SRSF10: variants seen among roughly 807,000 people sequenced by gnomAD.
SRSF10 encodes the protein serine/arginine-rich splicing factor 10.
Under a neutral mutation model 32.6 loss-of-function variants are expected in SRSF10, and 9 were observed. That is an observed-to-expected ratio of 0.28 (90% CI 0.17 to 0.48). SRSF10 has a LOEUF of 0.48. Ranked by LOEUF, SRSF10 falls within the 20% of genes least tolerant of loss-of-function variation. The probability of loss-of-function intolerance (pLI) is 0.99; values close to 1 mark genes in which losing one functional copy is unlikely to be tolerated. For missense variants in SRSF10, 201 were observed against 331.8 expected (o/e 0.61, Z 3.06); for synonymous variants, 105 against 112.4 (o/e 0.93, Z 0.42).
chr1:23,967,474 T>C lies in SRSF10; in HGVS notation c.*3668A>G, dbSNP rs1276975736. ...AGTTTCCACAAGTACAAAGTTGAAT[T>C]TCCTTTTATTTGTCCTAAAATGCTT... On this transcript the variant is annotated 3_prime_UTR_variant, in exon 6 of 6. Transcript: ENST00000492112. The C allele has an allele frequency of 7.2e-5, 35 of 488,394 alleles. No homozygotes were observed. Among genetic ancestry groups the C allele is most frequent in the Non-Finnish European group, 1.5e-5 (4 of 272,552 alleles). The allele number at this position is 488,394 out of a possible 1,614,324, so 30.3% of individuals were successfully genotyped here. A position where few individuals can be genotyped will look rare whatever the true frequency, so the allele number is the denominator to read the frequency against.
At chr1:23,979,992 C>G (rs1414343644) in intron 1 of SRSF10, among the ~76,000 whole-genome samples, 199 bp downstream of exon 1, 1 of 152,208 alleles carries the variant, frequency 6.6e-6, no homozygotes, top group Non-Finnish European at 1.5e-5. Flanking sequence ...CCACGCGGCC[C>G]GGCGAAGGCA....
At chr1:23,971,727 G>C in intron 4 of SRSF10, 101 bp from the exon 5 acceptor site, 1 of 1,506,530 alleles carries the variant, frequency 6.6e-7, no homozygotes, top group Non-Finnish European at 9.0e-7. Flanking sequence ...AAATGCTACA[G>C]TATTTTTTGT....
At chr1:23,973,625 T>C (rs1453673538) in intron 3 of SRSF10, among the ~76,000 whole-genome samples, 1 of 152,176 alleles carries the variant, frequency 6.6e-6, no homozygotes, top group African/African-American at 2.4e-5. Context: ...CCACATATTT[T>C]ACATTTTCAA....
chr1:23,966,981 A>G lies in SRSF10; in HGVS notation c.*4161T>C, dbSNP rs1267315339. 6.6e-6 allele frequency: 1 copy of G among 152,112 alleles called. No individual in the cohort carries two copies. The highest frequency in any genetic ancestry group is 1.5e-5 in the Non-Finnish European group (1 of 67,938). The allele number at this position is 152,112 out of a possible 1,614,324, so 9.4% of individuals were successfully genotyped here. A position where few individuals can be genotyped will look rare whatever the true frequency, so the allele number is the denominator to read the frequency against. On this transcript the variant is annotated 3_prime_UTR_variant, in exon 6 of 6. Transcript: ENST00000492112. Reference sequence around the variant, plus strand: ...ATTGTGCTCAGTAGACATTTACTGAATAAGGGAATTATCTATTTTTCTCAA... The same window carrying G: ...ATTGTGCTCAGTAGACATTTACTGAGTAAGGGAATTATCTATTTTTCTCAA...
rs1004457396 is a variant in SRSF10 at position 23,972,192 on chromosome 1, T to C, written c.275-180A>G. The stretch of plus-strand genomic sequence containing the variant: ...GGGAGGTTGAGGTGGGAGGATCACT[T>C]GAGCCCAGGAGTTTGAGACCAGCCT... On this transcript the variant is annotated intron_variant, in intron 3 of 5. Coordinates refer to ENST00000492112, the MANE Select transcript of SRSF10 (RefSeq NM_054016.4). Among the ~76,000 whole-genome samples, 29 of 152,252 alleles carry C rather than the reference T, an allele frequency of 1.9e-4. 1 individual carries two copies. The South Asian group carries it at 5.2e-3, about 27-fold the overall frequency.
At chr1:23,973,992 ATTTT>A (rs141826891) in intron 3 of SRSF10, among the ~76,000 whole-genome samples, 8 of 134,184 alleles carry the variant, frequency 6.0e-5, no homozygotes, top group Admixed American at 7.3e-5. Context: ...CTCAGCAGCT[ATTTT>A]TTTTTTTTTT....
intron 5 of SRSF10, 61 bp from the exon 6 acceptor site, chr1:23,971,500 T>C (rs1641750101): frequency 1.3e-6 from 2 of 1,588,166 alleles, no homozygotes; most frequent in African/African-American, 2.7e-5. Flanking sequence ...TAATCAAATT[T>C]GTTATTTTTA....
At chr1:23,978,865 G>C (rs1642236653) in intron 1 of SRSF10, 48 bp from the exon 2 acceptor site, 1 of 1,511,908 alleles carries the variant, frequency 6.6e-7, no homozygotes, top group Non-Finnish European at 9.0e-7. Context: ...AAGTCCTTAA[G>C]ATGTATAGGC....
chr1:23,973,252 T>C (rs1641881706), intron 3 of SRSF10, among the ~76,000 whole-genome samples: 1 of 152,248 alleles, frequency 6.6e-6, no homozygotes, highest in Non-Finnish European at 1.5e-5. Flanking sequence ...CACCATCTAG[T>C]TTATCAGCCA....
At chr1:23,974,646 T>C (rs1364539719) in intron 3 of SRSF10, among the ~76,000 whole-genome samples, 2 of 152,052 alleles carry the variant, frequency 1.3e-5, no homozygotes, top group African/African-American at 4.8e-5. Flanking sequence ...CTGGCCAACA[T>C]GGTGAAACTC....
chr1:23,965,874 G>C lies in SRSF10; in HGVS notation c.*5268C>G, dbSNP rs1033926248. On this transcript the variant is annotated 3_prime_UTR_variant, in exon 6 of 6. Transcript: ENST00000492112. ...TTAACTTCAAAAGGAAATGGAGAAG[G>C]GAGGTAGAGGGCAAAAAAGTCTATA... The C allele has an allele frequency of 3.3e-5, 5 of 151,828 alleles. No homozygotes were observed. The highest frequency in any genetic ancestry group is 1.2e-4 in the African/African-American group (5 of 41,386). 9.4% of individuals were successfully genotyped at this position (151,828 alleles called of 1,614,324 possible). A position where few individuals can be genotyped will look rare whatever the true frequency, so the allele number is the denominator to read the frequency against.
Position 23,971,011 on chromosome 1 carries a change from T to C in SRSF10, c.*131A>G, listed in dbSNP as rs1330578405. The C allele has an allele frequency of 4.1e-6, 6 of 1,478,380 alleles. No homozygotes were observed. The highest frequency in any genetic ancestry group is 2.3e-5 in the East Asian group (1 of 42,792). The allele number at this position is 1,478,380 out of a possible 1,614,324, so 91.6% of individuals were successfully genotyped here. A position where few individuals can be genotyped will look rare whatever the true frequency, so the allele number is the denominator to read the frequency against. On this transcript the variant is annotated 3_prime_UTR_variant, in exon 6 of 6. Transcript: ENST00000492112. ...CAGCATATCATTTTAATTATAACCA[T>C]TGCCTGGTACAGGGAAAACTAACAA... is the stretch of plus-strand genomic sequence containing the variant.
chr1:23,969,388 T>C lies in SRSF10; in HGVS notation c.*1754A>G, dbSNP rs1342516006. The C allele has an allele frequency of 3.0e-6, 3 of 985,638 alleles. No homozygotes were observed. The highest frequency in any genetic ancestry group is 1.7e-5 in the African/African-American group (1 of 57,244). The allele number at this position is 985,638 out of a possible 1,614,324, so 61.1% of individuals were successfully genotyped here. A position where few individuals can be genotyped will look rare whatever the true frequency, so the allele number is the denominator to read the frequency against. On this transcript the variant is annotated 3_prime_UTR_variant, in exon 6 of 6. Coordinates refer to ENST00000492112, the MANE Select transcript of SRSF10 (RefSeq NM_054016.4). ...AGAAACGTGCATATAAACGATTGCA[T>C]AGCAGAACATGAACATTAACTGCAA...
At chr1:23,973,627 C>T (rs1641904941) in intron 3 of SRSF10, among the ~76,000 whole-genome samples, 3 of 152,168 alleles carry the variant, frequency 2.0e-5, no homozygotes, top group Admixed American at 2.0e-4. Context: ...ACATATTTTA[C>T]ATTTTCAAAT....
intron 3 of SRSF10, among the ~76,000 whole-genome samples, chr1:23,973,567 C>T (rs796419569): frequency 2.0e-4 from 30 of 152,226 alleles, no homozygotes; most frequent in East Asian, 7.7e-4. Flanking sequence ...GCAATTCTCC[C>T]GCCTAGGCCT....
intron 3 of SRSF10, among the ~76,000 whole-genome samples, chr1:23,974,721 C>G (rs1035656800): frequency 6.6e-6 from 1 of 151,776 alleles, no homozygotes; most frequent in South Asian, 2.1e-4. Context: ...CCCAGCTACT[C>G]GGAAGGTTGA....
chr1:23,973,584 G>T (rs1427274042), intron 3 of SRSF10, among the ~76,000 whole-genome samples: 1 of 152,166 alleles, frequency 6.6e-6, no homozygotes, highest in Non-Finnish European at 1.5e-5. Flanking sequence ...GCCTCCCAAA[G>T]TGGTGGGATT....
rs1641500311 is a variant in SRSF10, at chr1:23,967,301, C to T, written c.*3841G>A. ...ACTTTTATATTGGACCATACCTTTTCCCACCCAATTCAGTTTGAGACAGAC... is the reference window on the plus strand; with the variant it reads ...ACTTTTATATTGGACCATACCTTTTTCCACCCAATTCAGTTTGAGACAGAC... On this transcript the variant is annotated 3_prime_UTR_variant, in exon 6 of 6. Coordinates refer to ENST00000492112, the MANE Select transcript of SRSF10 (RefSeq NM_054016.4). 1.1e-5 allele frequency: 2 copies of T among 186,832 alleles called. No homozygotes were observed. The highest frequency in any genetic ancestry group is 2.2e-5 in the Non-Finnish European group (2 of 91,098). The allele number at this position is 186,832 out of a possible 1,614,324, so 11.6% of individuals were successfully genotyped here.
rs922949874 is a variant in SRSF10 at position 23,968,045 on chromosome 1, T to C, written c.*3097A>G. The C allele has an allele frequency of 6.6e-7, 1 of 1,524,654 alleles. No homozygotes were observed. Among genetic ancestry groups the C allele is most frequent in the Non-Finnish European group, 8.8e-7 (1 of 1,142,488 alleles). 94.4% of individuals were successfully genotyped at this position (1,524,654 alleles called of 1,614,324 possible). Reference sequence around the variant, plus strand: ...CCTCATTTGAGTGTTGATATAACCATTCTATTTATCATTGAGCCCAGTCAT... The same window carrying C: ...CCTCATTTGAGTGTTGATATAACCACTCTATTTATCATTGAGCCCAGTCAT... On this transcript the variant is annotated 3_prime_UTR_variant, in exon 6 of 6. Coordinates refer to ENST00000492112, the MANE Select transcript of SRSF10 (RefSeq NM_054016.4).
Sources: gnomAD v4.1 joint callset for allele counts (sites outside exome capture counted in the v4.1 genomes callset) on GRCh38, gnomAD v4.1.1 for gene constraint, MANE v1.5 for transcripts, NCBI Gene and HGNC (gene_info 2026-07-23, HGNC 2026-07-21) for gene names.